Variants in ZFC3H1 observed in about 807,000 individuals in gnomAD.
ZFC3H1 encodes zinc finger C3H1-type containing.
In ZFC3H1, 71 loss-of-function variants were observed where a neutral mutation model predicts 243.7. The ratio of observed to expected loss-of-function variants is 0.29; its 90% CI spans 0.24 to 0.36. The LOEUF (loss-of-function observed/expected upper bound fraction) is 0.36, where lower values mean the gene tolerates loss of function less well. Ranked by LOEUF, ZFC3H1 falls within the 10% of genes least tolerant of loss-of-function variation. The pLI is 1.00. For missense variants in ZFC3H1, 1,966 were observed against 2,317.1 expected, an observed-to-expected ratio of 0.85 and a Z score of 3.11; for synonymous variants, 838 against 813.0, an observed-to-expected ratio of 1.03 and a Z score of -0.52.
At chr12:71,616,371 T>C (rs2137516259) in intron 27 of ZFC3H1, among the ~76,000 whole-genome samples, 1 of 152,282 alleles carries the variant, frequency 6.6e-6, no homozygotes, top group East Asian at 1.9e-4. Flanking sequence ...ATACAACCCA[T>C]TTAAGTTTAA....
chr12:71,650,136 C>A (rs992431615), intron 2 of ZFC3H1, among the ~76,000 whole-genome samples: 1 of 151,632 alleles, frequency 6.6e-6, no homozygotes, highest in Admixed American at 6.6e-5. Flanking sequence ...TGCCGTGAGC[C>A]GAGATCACGC....
At chr12:71,628,809 T>A (rs76071350) in intron 20 of ZFC3H1, 109 bp downstream of exon 20, 229,539 of 1,149,634 alleles carry the variant, frequency 0.2, 22,818 homozygotes, top group East Asian at 0.4. Context: ...TTAAAAAAAA[T>A]TTTTTTTTAA....
rs763845909 is a variant in ZFC3H1 at position 71,611,738 on chromosome 12, T to C, written c.5729+48A>G. The C allele has an allele frequency of 1.1e-5, 13 of 1,233,110 alleles. No individual in the cohort carries two copies. The Admixed American group carries it at 1.3e-4, about 13-fold the overall frequency. 76.4% of individuals were successfully genotyped at this position (1,233,110 alleles called of 1,614,324 possible). A position where few individuals can be genotyped will look rare whatever the true frequency, so the allele number is the denominator to read the frequency against. On this transcript the variant is annotated intron_variant, in intron 32 of 34. Coordinates refer to ENST00000378743, the MANE Select transcript of ZFC3H1 (RefSeq NM_144982.5). ...ATTTACCTGTCTGGAGCAAACCTTA[T>C]AAATAAAAGCAATAGCTATAAAAAC...
chr12:71,633,461 C>T (rs1387637902), intron 12 of ZFC3H1, 23 bp from the exon 13 acceptor site: 1 of 1,516,860 alleles, frequency 6.6e-7, no homozygotes, highest in African/African-American at 1.4e-5. Context: ...TAACAAAATT[C>T]TTGTTAATGT....
intron 6 of ZFC3H1, among the ~76,000 whole-genome samples, chr12:71,639,826 T>C (rs1880557222): frequency 6.6e-6 from 1 of 152,216 alleles, no homozygotes. Flanking sequence ...GTCAGGATCA[T>C]CCAGGAGGAC....
chr12:71,656,855 A>G, intron 2 of ZFC3H1, 30 bp downstream of exon 2: 1 of 1,573,130 alleles, frequency 6.4e-7, no homozygotes, highest in Non-Finnish European at 8.6e-7. Flanking sequence ...AAGAAGAGTC[A>G]TTACTAACTG....
At position 71,663,275 on chromosome 12, in the gene ZFC3H1, A is replaced by G; in HGVS notation, c.336T>C (p.Ser112=). The change falls in exon 1 of 35, where the codon TCT becomes TCC. Residue 112 remains serine (S), a synonymous_variant. Transcript: ENST00000378743. ...AAGGCATCCGTACAGAAGGCGGATG[A>G]GACCGGAACGGTTCTTTGGGTCGGT... ...SSYRPKEPFR[S]HPPSVRMPSS... 6.2e-7 allele frequency: 1 copy of G among 1,613,588 alleles called. No homozygotes were observed. The highest frequency in any genetic ancestry group is 1.1e-5 in the South Asian group (1 of 91,088).
rs1180578248 is a variant in ZFC3H1 at position 71,620,973 on chromosome 12, ACATAAAAGCT to A, written c.4745-668_4745-659del. Among the ~76,000 whole-genome samples the A allele has an allele frequency of 3.3e-5, 5 of 152,272 alleles. No individual in the cohort carries two copies. In the East Asian group the frequency reaches 7.7e-4, roughly 23 times the overall value. ...TTCATAAGGACTCATATCTAACCAA[ACATAAAAGCT>A]CACCTCTACCTTCATTTTATTTAAC... On this transcript the variant is annotated intron_variant, in intron 24 of 34. Transcript: ENST00000378743.
At chr12:71,623,226 T>C (rs1275713550) in intron 24 of ZFC3H1, 134 bp downstream of exon 24, 1 of 763,328 alleles carries the variant, frequency 1.3e-6, no homozygotes, top group African/African-American at 1.8e-5. Context: ...TAATAAATTG[T>C]GAAACTAAAA....
chr12:71,632,150 G>C lies in ZFC3H1; in HGVS notation c.3182C>G (p.Thr1061Ser), dbSNP rs1244509955. The change falls in exon 15 of 35, where the codon ACT becomes AGT. Residue 1061 changes from threonine (T) to serine (S), a missense_variant. Thr to Ser is a moderately conservative substitution (Grantham distance 58). Around this residue, in one of 4 missense-constraint regions of ZFC3H1, gnomAD observed 1,383 missense variants for 1,723.7 expected, o/e 0.80. Coordinates refer to ENST00000378743, the MANE Select transcript of ZFC3H1 (RefSeq NM_144982.5). Reference sequence around the variant, plus strand: ...TATGCATTCTTTGTTAGCAGTATCAGTGTGCTTAAGGTTAGGTTTAGTAAA... The same window carrying C: ...TATGCATTCTTTGTTAGCAGTATCACTGTGCTTAAGGTTAGGTTTAGTAAA... ...NYFTKPNLKH[T>S]DTANKECINK... 1.2e-6 allele frequency: 2 copies of C among 1,609,284 alleles called. No homozygotes were observed. Among genetic ancestry groups the C allele is most frequent in the Admixed American group, 1.7e-5 (1 of 58,652 alleles).
chr12:71,641,426 T>A (rs149769542), intron 6 of ZFC3H1, among the ~76,000 whole-genome samples: 36 of 152,350 alleles, frequency 2.4e-4, no homozygotes, highest in African/African-American at 7.9e-4. Context: ...TATGTGACTA[T>A]AGGGAGAAAT....
intron 8 of ZFC3H1, 52 bp from the exon 9 acceptor site, chr12:71,636,706 T>A: frequency 6.4e-7 from 1 of 1,566,584 alleles, no homozygotes; most frequent in South Asian, 1.2e-5. Context: ...AATAAATTTC[T>A]GCCACCTTTA....
intron 6 of ZFC3H1, among the ~76,000 whole-genome samples, chr12:71,640,377 G>C (rs1318272532): frequency 6.6e-6 from 1 of 152,222 alleles, no homozygotes; most frequent in Non-Finnish European, 1.5e-5. Flanking sequence ...CTGGCTTACA[G>C]TGTGAGCACT....
Position 71,663,720 on chromosome 12 carries a change from T to C in ZFC3H1, c.-110A>G. The C allele has an allele frequency of 1.5e-6, 2 of 1,308,784 alleles. No individual in the cohort carries two copies. The highest frequency in any genetic ancestry group is 2.1e-6 in the Non-Finnish European group (2 of 954,580). The allele number at this position is 1,308,784 out of a possible 1,614,324, so 81.1% of individuals were successfully genotyped here. ...GGACTGGGTCGGTGCGGTCTTACCC[T>C]ACTCGGACACCAAGCGGCCTCTGCT... On this transcript the variant is annotated 5_prime_UTR_variant, in exon 1 of 35. Coordinates refer to ENST00000378743, the MANE Select transcript of ZFC3H1 (RefSeq NM_144982.5).
intron 30 of ZFC3H1, among the ~76,000 whole-genome samples, chr12:71,614,189 A>C (rs1032726642): frequency 1.3e-5 from 2 of 152,100 alleles, no homozygotes; most frequent in Non-Finnish European, 2.9e-5. Flanking sequence ...ATTCAGTAGA[A>C]TTTTCAACTA....
chr12:71,657,192 C>G lies in ZFC3H1; in HGVS notation c.708G>C (p.Gln236His), dbSNP rs1271337906. 6.2e-7 allele frequency: 1 copy of G among 1,613,398 alleles called. No individual in the cohort carries two copies. Among genetic ancestry groups the G allele is most frequent in the Non-Finnish European group, 8.5e-7 (1 of 1,179,818 alleles). The part of the protein sequence containing the change: ...EDLLLKYKQI[Q>H]LELECINKDE... ...CCTTATTGATGCATTCTAGTTCCAA[C>G]TGTATTTGTTTATACTTTAAAAGCA... The change falls in exon 2 of 35, where the codon CAG becomes CAC. Residue 236 changes from glutamine to histidine, a missense_variant. Gln to His is a conservative substitution (Grantham distance 24). Transcript: ENST00000378743.
In ZFC3H1 at chr12:71,630,728, T is replaced by C; in HGVS notation, c.3603-7A>G. On this transcript the variant is annotated splice_region_variant and splice_polypyrimidine_tract_variant and intron_variant, in intron 17 of 34. Coordinates refer to ENST00000378743, the MANE Select transcript of ZFC3H1 (RefSeq NM_144982.5). ...ATAGTCTTGTATATGCTGCCTAAGA[T>C]AAAAAAAAACACAGAAAAGATAATC... The C allele has an allele frequency of 6.3e-7, 1 of 1,595,936 alleles. No homozygotes were observed. Among genetic ancestry groups the C allele is most frequent in the Non-Finnish European group, 8.5e-7 (1 of 1,172,168 alleles).
intron 3 of ZFC3H1, 62 bp from the exon 4 acceptor site, chr12:71,645,137 T>C: frequency 7.0e-7 from 1 of 1,427,910 alleles, no homozygotes; most frequent in South Asian, 1.4e-5. Flanking sequence ...ACACATTTCA[T>C]CAAGTCAAAT....
intron 12 of ZFC3H1, among the ~76,000 whole-genome samples, chr12:71,633,680 T>C (rs1465274234): frequency 6.6e-6 from 1 of 152,044 alleles, no homozygotes; most frequent in East Asian, 1.9e-4. Context: ...TGAGGTAACG[T>C]GAATTACTGT....
Sources: allele counts gnomAD v4.1 joint callset (sites outside exome capture counted in the v4.1 genomes callset), GRCh38; gene constraint gnomAD v4.1.1; regional missense constraint gnomAD v4.1.1; transcripts MANE v1.5; gene names NCBI Gene and HGNC (gene_info 2026-07-23, HGNC 2026-07-21).